The following LRFN5 variants were observed in gnomAD, a reference collection of about 807,000 sequenced individuals.
LRFN5 encodes the protein leucine rich repeat and fibronectin type III domain containing 5, also known as leucine-rich repeat and fibronectin type-III domain-containing protein 5.
A neutral mutation model predicts 45.6 loss-of-function variants in LRFN5; 24 were observed. That is an observed-to-expected ratio of 0.53 (90% CI 0.38 to 0.74). The LOEUF is 0.74. LRFN5 is among the 30% of genes least tolerant of loss of function. The probability of loss-of-function intolerance (pLI) is 0.00; values close to 1 mark genes in which losing one functional copy is unlikely to be tolerated. For missense variants in LRFN5, 776 were observed against 861.5 expected (o/e 0.90, Z 1.24); for synonymous variants, 340 against 313.8 (o/e 1.08, Z -0.88).
intron 1 of LRFN5, among the ~76,000 whole-genome samples, chr14:41,625,890 T>C (rs1480664372): frequency 6.6e-6 from 1 of 152,102 alleles, no homozygotes; most frequent in African/African-American, 2.4e-5. Context: ...ATTAAATAGG[T>C]CTATATTTGG....
intron 2 of LRFN5, among the ~76,000 whole-genome samples, chr14:41,872,726 C>G (rs1045495705): frequency 1.3e-5 from 2 of 152,164 alleles, no homozygotes; most frequent in Non-Finnish European, 2.9e-5. Context: ...AAGTTCTCAA[C>G]ATTTTCGCTT....
chr14:41,681,795 AT>A (rs1555354118), intron 1 of LRFN5, among the ~76,000 whole-genome samples: 39 of 106,314 alleles, frequency 3.7e-4, no homozygotes, highest in South Asian at 1.9e-3. Context: ...ATTTTATTTT[AT>A]TTTATTTATT....
chr14:41,741,667 C>G (rs900561744), intron 1 of LRFN5, among the ~76,000 whole-genome samples: 5 of 151,504 alleles, frequency 3.3e-5, no homozygotes, highest in African/African-American at 1.2e-4. Flanking sequence ...TTCAAAAGCA[C>G]AGATAAGAAA....
intron 1 of LRFN5, among the ~76,000 whole-genome samples, chr14:41,626,804 A>G (rs140570009): frequency 1.3e-5 from 2 of 152,120 alleles, no homozygotes; most frequent in African/African-American, 2.4e-5. Context: ...GTATTAGACA[A>G]AGAAACGAAA....
intron 1 of LRFN5, among the ~76,000 whole-genome samples, chr14:41,671,361 T>G (rs1881202794): frequency 6.6e-6 from 1 of 152,106 alleles, no homozygotes. Context: ...TTAAAATATT[T>G]TACCCCATTC....
At chr14:41,734,068 C>T (rs1464317601) in intron 1 of LRFN5, among the ~76,000 whole-genome samples, 2 of 139,038 alleles carry the variant, frequency 1.4e-5, no homozygotes, top group Admixed American at 1.5e-4. Context: ...TCTTATTGCC[C>T]AGGCTGGGGT....
chr14:41,722,514 ATG>A (rs1883762167), intron 1 of LRFN5, among the ~76,000 whole-genome samples: 1 of 150,132 alleles, frequency 6.7e-6, no homozygotes, highest in South Asian at 2.1e-4. Flanking sequence ...TCATTTTCAT[ATG>A]TGAATAATTT....
intron 1 of LRFN5, among the ~76,000 whole-genome samples, chr14:41,662,856 C>T (rs183908014): frequency 1.1e-4 from 16 of 152,200 alleles, no homozygotes; most frequent in Non-Finnish European, 2.9e-5. Context: ...ATTCTGCATC[C>T]ATTGATCCCA....
chr14:41,625,476 T>A (rs2138567623), intron 1 of LRFN5, among the ~76,000 whole-genome samples: 1 of 152,266 alleles, frequency 6.6e-6, no homozygotes, highest in East Asian at 1.9e-4. Context: ...TGTGAGTCAG[T>A]TAAACCTCCT....
At chr14:41,839,336 G>A (rs559051491) in intron 2 of LRFN5, among the ~76,000 whole-genome samples, 6 of 151,986 alleles carry the variant, frequency 3.9e-5, no homozygotes, top group Middle Eastern at 3.4e-3. Context: ...AAAAAAGAAG[G>A]AACTTCTTAA....
chr14:41,649,173 T>G (rs955765064), intron 1 of LRFN5, among the ~76,000 whole-genome samples: 3 of 152,012 alleles, frequency 2.0e-5, no homozygotes, highest in African/African-American at 7.2e-5. Flanking sequence ...AGGCGGAGGT[T>G]GCAGTGAGCT....
At chr14:41,764,185 C>T (rs903108590) in intron 1 of LRFN5, among the ~76,000 whole-genome samples, 3 of 152,076 alleles carry the variant, frequency 2.0e-5, no homozygotes, top group Admixed American at 1.3e-4. Context: ...GAAAATGTCA[C>T]TTACATTATG....
At chr14:41,847,717 C>A (rs1251237112) in intron 2 of LRFN5, among the ~76,000 whole-genome samples, 1 of 151,794 alleles carries the variant, frequency 6.6e-6, no homozygotes, top group Non-Finnish European at 1.5e-5. Flanking sequence ...ATATTTTGTT[C>A]ATTTTAACAT....
intron 1 of LRFN5, among the ~76,000 whole-genome samples, chr14:41,746,321 ACTCAAAG>A (rs1304379624): frequency 1.3e-5 from 2 of 151,856 alleles, no homozygotes; most frequent in Admixed American, 1.3e-4. Flanking sequence ...GATACAAAAC[ACTCAAAG>A]AATAGAAGGA....
intron 2 of LRFN5, among the ~76,000 whole-genome samples, chr14:41,879,526 T>A (rs1006204697): frequency 6.6e-6 from 1 of 151,450 alleles, no homozygotes; most frequent in African/African-American, 2.4e-5. Flanking sequence ...TCTATATATG[T>A]GTATTTATAT....
At chr14:41,697,210 G>T (rs1402566521) in intron 1 of LRFN5, among the ~76,000 whole-genome samples, 3 of 151,878 alleles carry the variant, frequency 2.0e-5, no homozygotes, top group East Asian at 3.8e-4. Flanking sequence ...TCTGGGCATA[G>T]AATTTTATTT....
At chr14:41,784,031 A>G (rs1472186977) in intron 2 of LRFN5, among the ~76,000 whole-genome samples, 3 of 152,120 alleles carry the variant, frequency 2.0e-5, no homozygotes, top group African/African-American at 7.2e-5. Flanking sequence ...ATTGGCCTAT[A>G]TGTAAGGAGC....
intron 1 of LRFN5, chr14:41,743,009 A>C (rs1594666706): frequency 6.4e-6 from 1 of 157,088 alleles, no homozygotes. Context: ...GCTGCTGCTC[A>C]CCCTCCTAGC....
At chr14:41,639,737 A>G (rs1014497892) in intron 1 of LRFN5, among the ~76,000 whole-genome samples, 4 of 152,052 alleles carry the variant, frequency 2.6e-5, no homozygotes, top group African/African-American at 4.8e-5. Context: ...CATTGATGGT[A>G]TCCAGCACAT....
Sources: allele counts gnomAD v4.1 joint callset (sites outside exome capture counted in the v4.1 genomes callset), GRCh38; gene constraint gnomAD v4.1.1; transcripts MANE v1.5; gene names NCBI Gene and HGNC (gene_info 2026-07-23, HGNC 2026-07-21).